SWAP70: variants seen among roughly 807,000 people sequenced by gnomAD.
The protein encoded by SWAP70 is switching B cell complex subunit SWAP70.
Under a neutral mutation model 80.2 loss-of-function variants are expected in SWAP70, and 34 were observed. The observed-to-expected ratio is 0.42, with a 90% CI of 0.32 to 0.56. SWAP70 has a LOEUF of 0.56. Among genes scored for constraint, SWAP70 ranks in the 20% least tolerant of loss-of-function variants. SWAP70 has a pLI of 0.09. For missense variants in SWAP70, 578 were observed against 690.7 expected, an observed-to-expected ratio of 0.84 and a Z score of 1.83; for synonymous variants, 239 against 238.5, an observed-to-expected ratio of 1.00 and a Z score of -0.02.
chr11:9,734,274 T>C (rs758693108), intron 7 of SWAP70, among the ~76,000 whole-genome samples: 13 of 152,248 alleles, frequency 8.5e-5, no homozygotes, highest in Non-Finnish European at 1.9e-4. Flanking sequence ...AATTGTCATA[T>C]AAATGGAATC....
At chr11:9,689,828 G>C (rs1461674501) in intron 1 of SWAP70, among the ~76,000 whole-genome samples, 2 of 152,182 alleles carry the variant, frequency 1.3e-5, no homozygotes, top group African/African-American at 4.8e-5. Context: ...GCACTAACTT[G>C]GCTCTGCTGA....
Position 9,728,064 on chromosome 11 carries a change from G to A in SWAP70, c.654G>A (p.Met218Ile), listed in dbSNP as rs1231218695. 2 of 1,605,660 alleles carry A rather than the reference G, an allele frequency of 1.2e-6. No homozygotes were observed. The highest frequency in any genetic ancestry group is 2.2e-5 in the East Asian group (1 of 44,462). ...ILDVLKQGYM[M>I]KKGHRRKNWT... ...TTAATCTTTCACAGGGTTACATGAT[G>A]AAAAAGGGCCACAGACGGAAAAACT... Residue 218 changes from methionine (M) to isoleucine (I), a missense_variant, in exon 5 of 12, where the codon ATG (methionine) becomes ATA (isoleucine). Coordinates refer to ENST00000318950, the MANE Select transcript of SWAP70 (RefSeq NM_015055.4).
chr11:9,743,462 G>A (rs1851469316), intron 9 of SWAP70, among the ~76,000 whole-genome samples: 1 of 151,588 alleles, frequency 6.6e-6, no homozygotes, highest in Admixed American at 6.6e-5. Flanking sequence ...CTAGATCCCT[G>A]AGGAATCGCC....
chr11:9,711,748 C>A (rs1851001515), intron 2 of SWAP70, among the ~76,000 whole-genome samples: 1 of 152,144 alleles, frequency 6.6e-6, no homozygotes, highest in African/African-American at 2.4e-5. Flanking sequence ...TACCTTGATA[C>A]CAGCCTAATT....
At position 9,699,657 on chromosome 11, in the gene SWAP70, C is replaced by T. The variant is rs78361898; in HGVS notation, c.240+5371C>T. Among the ~76,000 whole-genome samples, 242 of 152,082 alleles carry T rather than the reference C, an allele frequency of 1.6e-3. 1 individual carries two copies. The highest frequency in any genetic ancestry group is 6.8e-3 in the Middle Eastern group (2 of 294). On this transcript the variant is annotated intron_variant, in intron 2 of 11. Coordinates refer to ENST00000318950, the MANE Select transcript of SWAP70 (RefSeq NM_015055.4). The stretch of plus-strand genomic sequence containing the variant: ...ATCATTTGAGCCCAGGAGTTCAAGA[C>T]CATCCTGGGTGACATAGTGAGATCC...
chr11:9,738,099 T>C (rs1259644472), intron 7 of SWAP70, 114 bp from the exon 8 acceptor site: 1 of 580,882 alleles, frequency 1.7e-6, no homozygotes, highest in Non-Finnish European at 2.9e-6. Flanking sequence ...ATTATCTTTA[T>C]TGAATGTTAA....
chr11:9,740,549 C>T (rs576477974), intron 9 of SWAP70: 1 of 605,924 alleles, frequency 1.7e-6, no homozygotes, highest in South Asian at 1.9e-5. Context: ...GCTGGGAAAC[C>T]CTTGCTTCTG....
At chr11:9,721,673 A>G (rs749553650) in intron 3 of SWAP70, among the ~76,000 whole-genome samples, 64 of 151,934 alleles carry the variant, frequency 4.2e-4, no homozygotes, top group Non-Finnish European at 7.8e-4. Flanking sequence ...AGATCTTGCC[A>G]TGTTGCCTAG....
At chr11:9,694,115 A>T (rs1850726688) in intron 1 of SWAP70, 31 bp from the exon 2 acceptor site, 1 of 1,566,952 alleles carries the variant, frequency 6.4e-7, no homozygotes, top group Non-Finnish European at 8.6e-7. Flanking sequence ...GGTTAGTGGG[A>T]GTCTTTAAAC....
At chr11:9,678,183 G>C (rs1011125490) in intron 1 of SWAP70, among the ~76,000 whole-genome samples, 1 of 152,074 alleles carries the variant, frequency 6.6e-6, no homozygotes, top group Non-Finnish European at 1.5e-5. Flanking sequence ...ATGGTAAAAG[G>C]TTCTATTGAG....
chr11:9,672,191 G>GTCTA (rs1378555406), intron 1 of SWAP70, among the ~76,000 whole-genome samples: 18 of 41,526 alleles, frequency 4.3e-4, no homozygotes, highest in Non-Finnish European at 8.5e-4. Context: ...ATATATGTGT[G>GTCTA]TGTCTATATA....
intron 2 of SWAP70, among the ~76,000 whole-genome samples, chr11:9,707,698 G>A (rs919879397): frequency 1.3e-5 from 2 of 151,596 alleles, no homozygotes; most frequent in African/African-American, 4.8e-5. Context: ...TGGGATTACA[G>A]GTGCCTGCCA....
intron 1 of SWAP70, among the ~76,000 whole-genome samples, chr11:9,676,105 A>G (rs920403934): frequency 1.1e-4 from 17 of 152,272 alleles, no homozygotes; most frequent in African/African-American, 3.6e-4. Context: ...CCAGAAACAC[A>G]TTTTCTACTT....
chr11:9,690,428 A>C (rs981539623), intron 1 of SWAP70, among the ~76,000 whole-genome samples: 2 of 152,076 alleles, frequency 1.3e-5, no homozygotes, highest in African/African-American at 4.8e-5. Context: ...AAATATAAAA[A>C]TTAGCTGGGT....
At position 9,748,012 on chromosome 11, in the gene SWAP70, G is replaced by C. The variant is rs943703249; in HGVS notation, c.1510G>C (p.Glu504Gln). Residue 504 changes from glutamate (E) to glutamine (Q), a missense_variant, in exon 10 of 12, where the codon GAG becomes CAG. Coordinates refer to ENST00000318950, the MANE Select transcript of SWAP70 (RefSeq NM_015055.4). ...QALQEAMEQL[E>Q]QLELERKQAL... ...CCTGCAGGAGGCCATGGAGCAGCTG[G>C]AGCAGCTTGAGTTAGAACGGAAGCA... 3 of 1,614,028 alleles carry C rather than the reference G, an allele frequency of 1.9e-6. No homozygotes were observed. Among genetic ancestry groups the C allele is most frequent in the African/African-American group, 2.7e-5 (2 of 74,930 alleles).
rs1851564961 is a variant in SWAP70 at position 9,750,008 on chromosome 11, T to C, written c.*38T>C. 4 of 1,382,592 alleles carry C rather than the reference T, an allele frequency of 2.9e-6. No individual in the cohort carries two copies. Among genetic ancestry groups the C allele is most frequent in the Non-Finnish European group, 4.1e-6 (4 of 971,238 alleles). The allele number at this position is 1,382,592 out of a possible 1,614,324, so 85.6% of individuals were successfully genotyped here. A position where few individuals can be genotyped will look rare whatever the true frequency, so the allele number is the denominator to read the frequency against. On this transcript the variant is annotated 3_prime_UTR_variant, in exon 12 of 12. Transcript: ENST00000318950. ...GCAGTCACGTCAGTTATGTAGATAC[T>C]GCATGGCAGGAGAGCTTTACGCTAA...
intron 2 of SWAP70, among the ~76,000 whole-genome samples, chr11:9,697,727 T>C (rs972719602): frequency 3.9e-5 from 6 of 152,260 alleles, no homozygotes; most frequent in Non-Finnish European, 7.3e-5. Flanking sequence ...TCCTGATCTT[T>C]CTTTGTGTGT....
rs1211819180 is a variant in SWAP70 at position 9,725,530 on chromosome 11, A to AAT, written c.642+684_642+685dup. Among the ~76,000 whole-genome samples, 251 of 60,560 alleles carry AAT rather than the reference A, an allele frequency of 4.1e-3. 1 individual carries two copies. Among genetic ancestry groups the AAT allele is most frequent in the South Asian group, 7.6e-3 (9 of 1,186 alleles). 39.7% of individuals were successfully genotyped at this position (60,560 alleles called of 152,430 possible). On this transcript the variant is annotated intron_variant, in intron 4 of 11. Transcript: ENST00000318950. ...AACCCTGTCTGTATTAAAAATACAA[A>AAT]ATATATATATATATATATATATATA...
At chr11:9,674,561 A>G (rs1356666906) in intron 1 of SWAP70, among the ~76,000 whole-genome samples, 2 of 152,188 alleles carry the variant, frequency 1.3e-5, no homozygotes, top group East Asian at 3.9e-4. Context: ...TTAGCTGGAC[A>G]TGGTGGTGGG....
Sources: allele counts gnomAD v4.1 joint callset (sites outside exome capture counted in the v4.1 genomes callset), GRCh38; gene constraint gnomAD v4.1.1; transcripts MANE v1.5; gene names NCBI Gene and HGNC (gene_info 2026-07-23, HGNC 2026-07-21).